Variants in ROBO2 observed in about 807,000 individuals in gnomAD.
ROBO2 encodes roundabout guidance receptor 2.
In ROBO2, 53 loss-of-function variants were observed where a neutral mutation model predicts 160.8. That is an observed-to-expected ratio of 0.33 (90% CI 0.26 to 0.41). ROBO2 has a LOEUF of 0.41. Ranked by LOEUF, ROBO2 falls within the 10% of genes least tolerant of loss-of-function variation. The pLI, the probability that ROBO2 is intolerant of heterozygous loss-of-function variation, is 1.00. For missense variants in ROBO2, 1,577 were observed against 1,722.4 expected (o/e 0.92, Z 1.49); for synonymous variants, 664 against 611.7 (o/e 1.09, Z -1.26).
intron 2 of ROBO2, among the ~76,000 whole-genome samples, chr3:76,877,694 C>A (rs2148720819): frequency 6.6e-6 from 1 of 152,276 alleles, no homozygotes; most frequent in East Asian, 1.9e-4. Flanking sequence ...GCTGCCATAG[C>A]AAATTACCAT....
At chr3:77,342,956 T>C (rs893592949) in intron 2 of ROBO2, among the ~76,000 whole-genome samples, 5 of 152,114 alleles carry the variant, frequency 3.3e-5, no homozygotes, top group African/African-American at 1.2e-4. Context: ...AAGCCTGAGA[T>C]TGAGGTACAG....
At chr3:77,187,873 T>A (rs1397735865) in intron 2 of ROBO2, among the ~76,000 whole-genome samples, 1 of 151,900 alleles carries the variant, frequency 6.6e-6, no homozygotes, top group Non-Finnish European at 1.5e-5. Context: ...TGACTTTGCT[T>A]TTTTACTTTA....
At chr3:76,340,516 G>A (rs2074160499) in intron 2 of ROBO2, among the ~76,000 whole-genome samples, 1 of 152,102 alleles carries the variant, frequency 6.6e-6, no homozygotes, top group Non-Finnish European at 1.5e-5. Context: ...AGCCCTGAAT[G>A]GATTTATACT....
intron 2 of ROBO2, among the ~76,000 whole-genome samples, chr3:76,032,562 G>C (rs1191720754): frequency 3.3e-5 from 5 of 152,096 alleles, no homozygotes; most frequent in Admixed American, 2.0e-4. Context: ...TTGTGTCTTT[G>C]TTCTCATTGG....
At chr3:76,800,397 G>A (rs1419736836) in intron 2 of ROBO2, among the ~76,000 whole-genome samples, 1 of 152,014 alleles carries the variant, frequency 6.6e-6, no homozygotes, top group Non-Finnish European at 1.5e-5. Context: ...AATATCTTCT[G>A]CACAAAAAAG....
At chr3:77,201,671 CTG>C in intron 2 of ROBO2, among the ~76,000 whole-genome samples, 1 of 152,044 alleles carries the variant, frequency 6.6e-6, no homozygotes, top group Non-Finnish European at 1.5e-5. Context: ...GCATTTATTT[CTG>C]TGTGTCTTAG....
intron 2 of ROBO2, among the ~76,000 whole-genome samples, chr3:76,336,740 A>T (rs2073913977): frequency 1.3e-5 from 2 of 152,250 alleles, no homozygotes; most frequent in African/African-American, 4.8e-5. Flanking sequence ...ATTTTAAAAT[A>T]ATCATCATAT....
intron 2 of ROBO2, among the ~76,000 whole-genome samples, chr3:76,900,382 C>T (rs1451569175): frequency 6.6e-6 from 1 of 152,116 alleles, no homozygotes; most frequent in Non-Finnish European, 1.5e-5. Flanking sequence ...GAAGACCTTT[C>T]CATGACAATT....
At chr3:76,423,297 T>C (rs560417396) in intron 2 of ROBO2, among the ~76,000 whole-genome samples, 1 of 152,250 alleles carries the variant, frequency 6.6e-6, no homozygotes, top group East Asian at 1.9e-4. Flanking sequence ...GGAAGACCCT[T>C]AAGCTGTAGT....
At chr3:76,331,757 C>T (rs943235360) in intron 2 of ROBO2, among the ~76,000 whole-genome samples, 2 of 150,834 alleles carry the variant, frequency 1.3e-5, no homozygotes, top group Non-Finnish European at 2.9e-5. Context: ...GATCTCAACT[C>T]ACTGCAACTT....
At chr3:76,155,646 T>A (rs72630359) in intron 2 of ROBO2, among the ~76,000 whole-genome samples, 7,049 of 152,252 alleles carry the variant, frequency 0.046, 378 homozygotes, top group East Asian at 0.23. Context: ...AACAAAGTTC[T>A]TTCTTGACAT....
chr3:77,523,313 G>A (rs552360520), intron 6 of ROBO2, among the ~76,000 whole-genome samples: 6 of 151,424 alleles, frequency 4.0e-5, no homozygotes, highest in East Asian at 2.0e-4. Context: ...CTGTTTTGAA[G>A]TCCTTTTTAA....
intron 2 of ROBO2, among the ~76,000 whole-genome samples, chr3:77,342,867 T>C (rs1374962333): frequency 6.6e-6 from 1 of 152,204 alleles, no homozygotes; most frequent in African/African-American, 2.4e-5. Context: ...ATTAGTTGGC[T>C]CAGGCTAGTG....
At chr3:77,469,530 T>C (rs2153578847) in intron 2 of ROBO2, among the ~76,000 whole-genome samples, 1 of 152,274 alleles carries the variant, frequency 6.6e-6, no homozygotes, top group African/African-American at 2.4e-5. Context: ...GTTTTATGAG[T>C]GACCATCATT....
At chr3:76,165,747 C>T (rs2106952445) in intron 2 of ROBO2, among the ~76,000 whole-genome samples, 1 of 152,068 alleles carries the variant, frequency 6.6e-6, no homozygotes. Context: ...TATTAATGGG[C>T]CTAATTTCAA....
At chr3:76,999,749 C>T (rs564050186) in intron 2 of ROBO2, among the ~76,000 whole-genome samples, 13 of 152,282 alleles carry the variant, frequency 8.5e-5, no homozygotes, top group African/African-American at 2.9e-4. Context: ...ATGCTTTCTG[C>T]CACTGTTGAG....
intron 2 of ROBO2, among the ~76,000 whole-genome samples, chr3:76,733,825 A>C (rs764963229): frequency 2.6e-5 from 4 of 152,184 alleles, no homozygotes; most frequent in Non-Finnish European, 5.9e-5. Flanking sequence ...CTTACACAAC[A>C]TGCATTTATT....
At chr3:77,304,259 G>A (rs1899373) in intron 2 of ROBO2, among the ~76,000 whole-genome samples, 46,895 of 152,052 alleles carry the variant, frequency 0.31, 8,708 homozygotes, top group Middle Eastern at 0.46. Context: ...TTTGTATAAC[G>A]CATGTGCATA....
At chr3:76,974,084 C>A (rs1451731987) in intron 2 of ROBO2, among the ~76,000 whole-genome samples, 2 of 152,114 alleles carry the variant, frequency 1.3e-5, no homozygotes, top group African/African-American at 2.4e-5. Flanking sequence ...AAGAGTCTTG[C>A]AAACAGATTA....
Sources: allele counts gnomAD v4.1 joint callset (sites outside exome capture counted in the v4.1 genomes callset), GRCh38; gene constraint gnomAD v4.1.1; transcripts MANE v1.5; gene names NCBI Gene and HGNC (gene_info 2026-07-23, HGNC 2026-07-21).